The following CDKAL1 variants were observed in gnomAD, a reference collection of about 807,000 sequenced individuals.
The protein encoded by CDKAL1 is threonylcarbamoyladenosine tRNA methylthiotransferase.
CDKAL1 carries 32 observed loss-of-function variants against 68.2 expected under a neutral mutation model. That is an observed-to-expected ratio of 0.47 (90% CI 0.35 to 0.63). The LOEUF (loss-of-function observed/expected upper bound fraction) is 0.63, where lower values mean the gene tolerates loss of function less well. Ranked by LOEUF, CDKAL1 falls within the 30% of genes least tolerant of loss-of-function variation. The pLI, the probability that CDKAL1 is intolerant of heterozygous loss-of-function variation, is 0.00. For missense variants in CDKAL1, 606 were observed against 696.7 expected, an observed-to-expected ratio of 0.87 and a Z score of 1.47; for synonymous variants, 234 against 244.3, an observed-to-expected ratio of 0.96 and a Z score of 0.39.
chr6:20,769,507 G>T (rs899523626), intron 7 of CDKAL1, among the ~76,000 whole-genome samples: 1 of 151,764 alleles, frequency 6.6e-6, no homozygotes, highest in Non-Finnish European at 1.5e-5. Flanking sequence ...GATCTCCCCC[G>T]CCTTGTCCCA....
chr6:20,708,818 T>C (rs905746715), intron 5 of CDKAL1, among the ~76,000 whole-genome samples: 1 of 152,212 alleles, frequency 6.6e-6, no homozygotes, highest in Admixed American at 6.5e-5. Context: ...GGTTTCTTTG[T>C]GTTTCAGCCT....
intron 13 of CDKAL1, among the ~76,000 whole-genome samples, chr6:21,146,436 C>A (rs923797671): frequency 1.3e-5 from 2 of 152,066 alleles, no homozygotes. Context: ...CAGGTAGGTT[C>A]GGCTCAGAAT....
At chr6:20,785,658 T>TA (rs1465688719) in intron 8 of CDKAL1, among the ~76,000 whole-genome samples, 4 of 152,202 alleles carry the variant, frequency 2.6e-5, no homozygotes, top group African/African-American at 9.7e-5. Context: ...TTTTTTCACT[T>TA]ACTTTTAAAT....
At chr6:20,785,679 G>A (rs1437786548) in intron 8 of CDKAL1, among the ~76,000 whole-genome samples, 4 of 151,920 alleles carry the variant, frequency 2.6e-5, no homozygotes, top group Non-Finnish European at 5.9e-5. Flanking sequence ...GTTTTAATAT[G>A]ATTATACTCA....
intron 15 of CDKAL1, among the ~76,000 whole-genome samples, chr6:21,209,135 C>G (rs1043100056): frequency 2.0e-5 from 3 of 152,252 alleles, no homozygotes; most frequent in Middle Eastern, 6.8e-3. Flanking sequence ...GCTCTTTACT[C>G]GTATTACTTC....
At chr6:21,165,942 G>A (rs1475641172) in intron 13 of CDKAL1, among the ~76,000 whole-genome samples, 1 of 152,180 alleles carries the variant, frequency 6.6e-6, no homozygotes, top group Non-Finnish European at 1.5e-5. Context: ...AGACTGCCTG[G>A]ATTCACATCC....
At chr6:21,107,109 G>A (rs1446404425) in intron 12 of CDKAL1, among the ~76,000 whole-genome samples, 4 of 151,892 alleles carry the variant, frequency 2.6e-5, no homozygotes, top group South Asian at 2.1e-4. Flanking sequence ...CACCGTGCCC[G>A]GCTAATTTTT....
chr6:20,614,237 G>A (rs1766782136), intron 4 of CDKAL1, among the ~76,000 whole-genome samples: 1 of 152,098 alleles, frequency 6.6e-6, no homozygotes, highest in African/African-American at 2.4e-5. Flanking sequence ...CTCTTGCCAT[G>A]AAGAAAATAA....
At chr6:20,639,647 T>A (rs1455686355) in intron 4 of CDKAL1, among the ~76,000 whole-genome samples, 1 of 152,174 alleles carries the variant, frequency 6.6e-6, no homozygotes, top group Non-Finnish European at 1.5e-5. Context: ...AAAAAATTAA[T>A]CTATTGACCA....
chr6:20,974,747 G>C (rs1157554212), intron 10 of CDKAL1, among the ~76,000 whole-genome samples: 3 of 151,524 alleles, frequency 2.0e-5, no homozygotes, highest in Non-Finnish European at 4.4e-5. Context: ...GGGAGTCCGA[G>C]GCTGACAGAT....
chr6:20,624,687 A>C (rs1263939815), intron 4 of CDKAL1, among the ~76,000 whole-genome samples: 4 of 152,008 alleles, frequency 2.6e-5, no homozygotes, highest in Admixed American at 2.0e-4. Context: ...GGAAAAAAAA[A>C]CTGTGGCATG....
At chr6:20,606,395 A>G (rs1766334506) in intron 4 of CDKAL1, among the ~76,000 whole-genome samples, 1 of 152,340 alleles carries the variant, frequency 6.6e-6, no homozygotes, top group East Asian at 1.9e-4. Flanking sequence ...TAAATAGTAG[A>G]ACATAGAGAA....
chr6:20,657,613 C>G (rs1472420199), intron 5 of CDKAL1, among the ~76,000 whole-genome samples: 1 of 152,162 alleles, frequency 6.6e-6, no homozygotes, highest in Non-Finnish European at 1.5e-5. Context: ...TACTGTCTTT[C>G]ATGTGATTAA....
chr6:21,081,314 T>G (rs989676886), intron 12 of CDKAL1, among the ~76,000 whole-genome samples: 1 of 152,162 alleles, frequency 6.6e-6, no homozygotes, highest in Admixed American at 6.5e-5. Flanking sequence ...GAATATAAAT[T>G]TTATCCTTTG....
intron 4 of CDKAL1, among the ~76,000 whole-genome samples, chr6:20,584,404 G>A (rs919481240): frequency 6.6e-6 from 1 of 152,088 alleles, no homozygotes. Flanking sequence ...ATAGGAGTGA[G>A]TAGTCACCAT....
At chr6:21,015,632 C>G (rs1339630353) in intron 11 of CDKAL1, among the ~76,000 whole-genome samples, 1 of 151,950 alleles carries the variant, frequency 6.6e-6, no homozygotes, top group Non-Finnish European at 1.5e-5. Flanking sequence ...TTTGTACTTT[C>G]AAGAATCGTG....
chr6:21,226,445 GAGATTTACAAGGGA>G (rs569929879), intron 15 of CDKAL1, among the ~76,000 whole-genome samples: 4 of 152,328 alleles, frequency 2.6e-5, no homozygotes, highest in Admixed American at 6.5e-5. Flanking sequence ...AGGGAGCAGT[GAGATTTACAAGGGA>G]AGACAAACCC....
At chr6:21,156,318 C>T (rs979421911) in intron 13 of CDKAL1, among the ~76,000 whole-genome samples, 5 of 148,198 alleles carry the variant, frequency 3.4e-5, no homozygotes, top group African/African-American at 1.3e-4. Context: ...CAGCTACTGG[C>T]AGGGCTGAGG....
chr6:20,583,907 A>T (rs1017648963), intron 4 of CDKAL1, among the ~76,000 whole-genome samples: 6 of 152,156 alleles, frequency 3.9e-5, no homozygotes, highest in Non-Finnish European at 5.9e-5. Context: ...AGATTTAATA[A>T]GCATAAATTT....
Sources: allele counts gnomAD v4.1 joint callset (sites outside exome capture counted in the v4.1 genomes callset), GRCh38; gene constraint gnomAD v4.1.1; transcripts MANE v1.5; gene names NCBI Gene and HGNC (gene_info 2026-07-23, HGNC 2026-07-21).